APBA1: variants seen among roughly 807,000 people sequenced by gnomAD.
The protein encoded by APBA1 is amyloid beta precursor protein binding family A member 1.
APBA1 carries 55 observed loss-of-function variants against 86.6 expected under a neutral mutation model. The ratio of observed to expected loss-of-function variants is 0.64; its 90% CI spans 0.51 to 0.80. The LOEUF is 0.80. Among genes scored for constraint, APBA1 ranks in the 30% least tolerant of loss-of-function variants. The pLI, the probability that APBA1 is intolerant of heterozygous loss-of-function variation, is 0.00. For missense variants in APBA1, 1,090 were observed against 1,183.0 expected, an observed-to-expected ratio of 0.92 and a Z score of 1.15; for synonymous variants, 511 against 493.9, an observed-to-expected ratio of 1.03 and a Z score of -0.46.
At chr9:69,645,105 G>A (rs989821436) in intron 1 of APBA1, among the ~76,000 whole-genome samples, 9 of 152,154 alleles carry the variant, frequency 5.9e-5, no homozygotes, top group Admixed American at 2.6e-4. Context: ...GGATATCCAC[G>A]ATAATCCTCA....
At chr9:69,491,340 C>T (rs532261793) in intron 2 of APBA1, among the ~76,000 whole-genome samples, 6 of 151,936 alleles carry the variant, frequency 3.9e-5, no homozygotes, top group Admixed American at 3.9e-4. Flanking sequence ...TCATTCTCAG[C>T]AAACTATGGC....
chr9:69,456,123 A>C, intron 8 of APBA1, 124 bp downstream of exon 8: 1 of 1,083,006 alleles, frequency 9.2e-7, no homozygotes, highest in Admixed American at 1.9e-5. Flanking sequence ...GTGCTGGAAC[A>C]GTGCCTGACA....
intron 1 of APBA1, among the ~76,000 whole-genome samples, chr9:69,646,847 T>C (rs1349412128): frequency 6.6e-6 from 1 of 152,168 alleles, no homozygotes; most frequent in African/African-American, 2.4e-5. Flanking sequence ...AAGAAGGTAA[T>C]ATAGACACAC....
chr9:69,433,202 T>C (rs115467214), intron 11 of APBA1, among the ~76,000 whole-genome samples: 1,568 of 152,306 alleles, frequency 0.01, 38 homozygotes, highest in African/African-American at 0.035. Flanking sequence ...CAGCGGCCCC[T>C]GTTCAAACTC....
chr9:69,584,862 A>C lies in APBA1; in HGVS notation c.-69-67583T>G, dbSNP rs563861925. Among the ~76,000 whole-genome samples the C allele has an allele frequency of 1.4e-4, 22 of 152,378 alleles. No individual in the cohort carries two copies. In the South Asian group the frequency reaches 4.6e-3, roughly 32 times the overall value. On this transcript the variant is annotated intron_variant, in intron 1 of 12. Transcript: ENST00000265381. ...AAGGAATGATCATTTCATTATGTCCAGGATGAATTAGTCATAATTTGCCTA... is the reference window on the plus strand; with the variant it reads ...AAGGAATGATCATTTCATTATGTCCCGGATGAATTAGTCATAATTTGCCTA...
intron 5 of APBA1, 106 bp from the exon 6 acceptor site, chr9:69,458,294 A>C (rs1835133520): frequency 3.0e-6 from 3 of 996,420 alleles, no homozygotes; most frequent in Admixed American, 2.7e-5. Context: ...AGTGGCATAA[A>C]GCGTTTCTGT....
chr9:69,432,395 A>C (rs1309425863), intron 12 of APBA1, 141 bp downstream of exon 12: 2 of 765,464 alleles, frequency 2.6e-6, no homozygotes, highest in African/African-American at 3.6e-5. Context: ...GGTCAGAGAC[A>C]GGTCTGCTTG....
At chr9:69,590,793 G>T (rs1319700423) in intron 1 of APBA1, among the ~76,000 whole-genome samples, 4 of 152,140 alleles carry the variant, frequency 2.6e-5, no homozygotes, top group Non-Finnish European at 5.9e-5. Context: ...GTGGGGGTGG[G>T]CAGGGGACAT....
At position 69,517,191 on chromosome 9, in the gene APBA1, G is replaced by A; in HGVS notation, c.20C>T (p.Ser7Phe). Reference sequence around the variant, plus strand: ...CTCGTCGGTCACCTCCACCTCCGCAGACCCCTCCAAGTGGTTCATGGTGGG... The same window carrying A: ...CTCGTCGGTCACCTCCACCTCCGCAAACCCCTCCAAGTGGTTCATGGTGGG... MNHLEG[S>F]AEVEVTDEAA... Residue 7 changes from serine (S) to phenylalanine (F), a missense_variant, in exon 2 of 13, where the codon TCT (serine) becomes TTT (phenylalanine). Transcript: ENST00000265381. 1 of 1,532,658 alleles carries A rather than the reference G, an allele frequency of 6.5e-7. No homozygotes were observed. 94.9% of individuals were successfully genotyped at this position (1,532,658 alleles called of 1,614,324 possible).
In APBA1 at chr9:69,585,974, C is replaced by A. The variant is rs1319616136; in HGVS notation, c.-69-68695G>T. On this transcript the variant is annotated intron_variant, in intron 1 of 12. Coordinates refer to ENST00000265381, the MANE Select transcript of APBA1 (RefSeq NM_001163.4). The stretch of plus-strand genomic sequence containing the variant: ...AAGTTGAGCCTTATTCTAGACTGCC[C>A]ACCTATGAATATGTTTGCCTCGTCA... 2.6e-5 allele frequency among the ~76,000 whole-genome samples: 4 copies of A among 152,212 alleles called. 1 individual carries two copies. In the Middle Eastern group the frequency reaches 0.01, roughly 391 times the overall value.
intron 7 of APBA1, 152 bp downstream of exon 7, chr9:69,456,901 G>T (rs1311266870): frequency 3.4e-6 from 2 of 595,418 alleles, no homozygotes; most frequent in Non-Finnish European, 5.8e-6. Flanking sequence ...CCACCCAGCA[G>T]CAGGCACTGT....
intron 1 of APBA1, among the ~76,000 whole-genome samples, chr9:69,627,394 C>T (rs1822954774): frequency 6.6e-6 from 1 of 152,118 alleles, no homozygotes; most frequent in Admixed American, 6.5e-5. Flanking sequence ...AATATATCCT[C>T]CCCCAGCTGG....
At chr9:69,466,721 T>C (rs1297173417) in intron 5 of APBA1, among the ~76,000 whole-genome samples, 2 of 152,236 alleles carry the variant, frequency 1.3e-5, no homozygotes, top group Admixed American at 6.5e-5. Flanking sequence ...TTTCTTTGAT[T>C]GCGAGATCAA....
chr9:69,656,905 G>A (rs1157617177), intron 1 of APBA1, among the ~76,000 whole-genome samples: 1 of 149,702 alleles, frequency 6.7e-6, no homozygotes, highest in Non-Finnish European at 1.5e-5. Flanking sequence ...GACTGCAGTG[G>A]CGCTGTCTTG....
At chr9:69,545,063 C>G (rs1387465519) in intron 1 of APBA1, among the ~76,000 whole-genome samples, 10 of 152,232 alleles carry the variant, frequency 6.6e-5, no homozygotes. Context: ...TAGGGGTAGA[C>G]CCCTCACCCA....
chr9:69,576,573 G>A (rs1235162157), intron 1 of APBA1, among the ~76,000 whole-genome samples: 1 of 152,104 alleles, frequency 6.6e-6, no homozygotes, highest in Non-Finnish European at 1.5e-5. Flanking sequence ...GGATGAAGCT[G>A]GAAACCATCA....
At position 69,481,379 on chromosome 9, in the gene APBA1, A is replaced by C. The variant is rs145316977; in HGVS notation, c.1201-5236T>G. Among the ~76,000 whole-genome samples, 607 of 151,854 alleles carry C rather than the reference A, an allele frequency of 4.0e-3. 3 individuals carry two copies. Among genetic ancestry groups the C allele is most frequent in the African/African-American group, 0.014 (575 of 41,300 alleles). ...CGAACTCCCATTCACAATTGCTTCA[A>C]AGAGAATACAATACCTAGGAATCCA... On this transcript the variant is annotated intron_variant, in intron 2 of 12. Transcript: ENST00000265381.
chr9:69,661,589 T>C (rs1325391318), intron 1 of APBA1, among the ~76,000 whole-genome samples: 3 of 118,462 alleles, frequency 2.5e-5, no homozygotes, highest in Non-Finnish European at 5.3e-5. Flanking sequence ...AACAGTACTA[T>C]GGTCTGAATG....
At chr9:69,616,622 A>G (rs1822705724) in intron 1 of APBA1, among the ~76,000 whole-genome samples, 1 of 152,196 alleles carries the variant, frequency 6.6e-6, no homozygotes, top group Admixed American at 6.5e-5. Context: ...GAACTTAACA[A>G]TGAACTCCAG....
Sources: gnomAD v4.1 joint callset for allele counts (sites outside exome capture counted in the v4.1 genomes callset) on GRCh38, gnomAD v4.1.1 for gene constraint, MANE v1.5 for transcripts, NCBI Gene and HGNC (gene_info 2026-07-23, HGNC 2026-07-21) for gene names.